The following EYS variants were observed in gnomAD, a reference collection of about 807,000 sequenced individuals.
EYS encodes the protein EGF-like photoreceptor maintenance factor.
EYS carries 250 observed loss-of-function variants against 282.1 expected under a neutral mutation model. The observed-to-expected ratio is 0.89, with a 90% confidence interval of 0.80 to 0.98. The LOEUF (loss-of-function observed/expected upper bound fraction) is 0.98. Among genes scored for constraint, EYS ranks in the 50% least tolerant of loss-of-function variants. The probability of loss-of-function intolerance (pLI) is 0.00; values close to 1 mark genes in which losing one functional copy is unlikely to be tolerated. For synonymous variants in EYS, 1,355 were observed against 1,282.9 expected (o/e 1.06, Z -1.20); for missense variants, 4,016 against 3,709.0 (o/e 1.08, Z -2.15).
At chr6:63,794,109 C>T (rs147239806) in intron 37 of EYS, among the ~76,000 whole-genome samples, 493 of 152,316 alleles carry the variant, frequency 3.2e-3, no homozygotes, top group Non-Finnish European at 5.2e-3. Context: ...AAATGCTTCT[C>T]TCTGGGAAAT....
At chr6:64,679,365 C>G (rs1047892175) in intron 22 of EYS, among the ~76,000 whole-genome samples, 1 of 152,160 alleles carries the variant, frequency 6.6e-6, no homozygotes, top group African/African-American at 2.4e-5. Flanking sequence ...ACTCCATAAT[C>G]TTCCTTGTGC....
intron 35 of EYS, among the ~76,000 whole-genome samples, chr6:63,934,806 G>A (rs1765007930): frequency 6.6e-6 from 1 of 150,416 alleles, no homozygotes; most frequent in Admixed American, 6.6e-5. Flanking sequence ...GTTAAATGAG[G>A]AGTTAATGGG....
Position 63,721,071 on chromosome 6 carries a change from C to G in EYS, c.8960G>C (p.Ser2987Thr). 1 of 1,551,266 alleles carries G rather than the reference C, an allele frequency of 6.4e-7. No individual in the cohort carries two copies. The highest frequency in any genetic ancestry group is 8.7e-7 in the Non-Finnish European group (1 of 1,146,784). The change falls in exon 43 of 43, where the codon AGT becomes ACT. Residue 2987 changes from serine (S) to threonine (T), a missense_variant. Transcript: ENST00000503581. Reference sequence around the variant, plus strand: ...AATTAGACCTTCTGTTTTAGTGGTACTGAAATTTAAGGATATAGTAGTGAA... The same window carrying G: ...AATTAGACCTTCTGTTTTAGTGGTAGTGAAATTTAAGGATATAGTAGTGAA... ...LQFTTISLNF[S>T]TTKTEGLIVW... is the part of the protein sequence containing the mutation.
intron 12 of EYS, among the ~76,000 whole-genome samples, chr6:65,189,073 T>G (rs17578607): frequency 0.042 from 6,353 of 151,744 alleles, 189 homozygotes; most frequent in Middle Eastern, 0.065. Context: ...TTAATTTTTT[T>G]TATAATGCAT....
intron 12 of EYS, among the ~76,000 whole-genome samples, chr6:65,238,066 A>C (rs1766970278): frequency 6.6e-6 from 1 of 151,948 alleles, no homozygotes; most frequent in African/African-American, 2.4e-5. Context: ...ATATAGATGG[A>C]AACATTTTTC....
At chr6:65,028,884 T>C (rs2150142653) in intron 13 of EYS, among the ~76,000 whole-genome samples, 1 of 152,274 alleles carries the variant, frequency 6.6e-6, no homozygotes, top group East Asian at 1.9e-4. Flanking sequence ...TATATGTTGA[T>C]TTTCTGCTAT....
At chr6:63,967,393 G>T (rs1766359614) in intron 35 of EYS, among the ~76,000 whole-genome samples, 1 of 152,204 alleles carries the variant, frequency 6.6e-6, no homozygotes, top group South Asian at 2.1e-4. Flanking sequence ...CTGTGTAGAA[G>T]TAGCCTGTGT....
chr6:65,123,611 T>C (rs1364853598), intron 12 of EYS, among the ~76,000 whole-genome samples: 1 of 152,104 alleles, frequency 6.6e-6, no homozygotes, highest in Admixed American at 6.6e-5. Flanking sequence ...GAGCAGAAGG[T>C]TGACAAACCA....
intron 31 of EYS, among the ~76,000 whole-genome samples, chr6:64,121,807 G>A (rs1349521864): frequency 1.3e-5 from 2 of 151,990 alleles, no homozygotes; most frequent in Non-Finnish European, 2.9e-5. Flanking sequence ...CCATCTTTAT[G>A]CCTTTTTCTA....
chr6:65,068,463 A>AT lies in EYS; in HGVS notation c.2024-10737dup, dbSNP rs1212403642. ...ACTTTGACCTTCAGGCCTTTGTACTATTTTTTCTTCTATTCCATGAGGCCA... is the reference window on the plus strand; with the variant it reads ...ACTTTGACCTTCAGGCCTTTGTACTATTTTTTTCTTCTATTCCATGAGGCCA... On this transcript the variant is annotated intron_variant, in intron 12 of 42. Coordinates refer to ENST00000503581, the MANE Select transcript of EYS (RefSeq NM_001142800.2). Among the ~76,000 whole-genome samples, 43 of 151,640 alleles carry AT rather than the reference A, an allele frequency of 2.8e-4. 1 individual carries two copies. Among genetic ancestry groups the AT allele is most frequent in the African/African-American group, 2.4e-5 (1 of 41,250 alleles).
chr6:64,158,940 G>A (rs1775016336), intron 31 of EYS, among the ~76,000 whole-genome samples: 1 of 152,166 alleles, frequency 6.6e-6, no homozygotes, highest in Non-Finnish European at 1.5e-5. Flanking sequence ...CAAGAATAGT[G>A]TTGGGTGTTG....
chr6:65,235,969 A>G (rs1562041229), intron 12 of EYS, among the ~76,000 whole-genome samples: 1 of 152,044 alleles, frequency 6.6e-6, no homozygotes, highest in Non-Finnish European at 1.5e-5. Context: ...AGGCTTACAT[A>G]TGTGATTCTG....
intron 28 of EYS, among the ~76,000 whole-genome samples, chr6:64,405,812 A>C (rs1773688489): frequency 6.6e-6 from 1 of 152,224 alleles, no homozygotes. Flanking sequence ...CCAATGCTGA[A>C]GGAAACAAGA....
intron 30 of EYS, among the ~76,000 whole-genome samples, chr6:64,278,524 GA>G (rs1354215418): frequency 6.6e-6 from 1 of 151,926 alleles, no homozygotes; most frequent in Non-Finnish European, 1.5e-5. Context: ...CCAATCCAAG[GA>G]AAAAATTAAA....
chr6:64,622,737 A>G (rs1767485435), intron 23 of EYS, among the ~76,000 whole-genome samples: 2 of 152,178 alleles, frequency 1.3e-5, no homozygotes, highest in Non-Finnish European at 2.9e-5. Flanking sequence ...TATAGTGTTT[A>G]GCCAATTTAA....
chr6:65,011,708 C>A (rs994883036), intron 13 of EYS, among the ~76,000 whole-genome samples: 10 of 152,286 alleles, frequency 6.6e-5, no homozygotes, highest in African/African-American at 2.4e-4. Context: ...GGGAAGGTGA[C>A]CGCTTCCACC....
chr6:65,192,503 C>A (rs915206596), intron 12 of EYS, among the ~76,000 whole-genome samples: 1 of 151,672 alleles, frequency 6.6e-6, no homozygotes, highest in Admixed American at 6.6e-5. Context: ...TCATACTGTA[C>A]TAAACATATC....
chr6:64,283,678 T>A (rs892783903), intron 30 of EYS, among the ~76,000 whole-genome samples: 1 of 152,148 alleles, frequency 6.6e-6, no homozygotes, highest in Non-Finnish European at 1.5e-5. Flanking sequence ...TCCGTTTTCA[T>A]GCTGCTGATA....
chr6:64,867,538 A>C (rs887579050), intron 19 of EYS, among the ~76,000 whole-genome samples: 1 of 151,716 alleles, frequency 6.6e-6, no homozygotes, highest in South Asian at 2.1e-4. Flanking sequence ...TGTCCTCAAA[A>C]ACCATTATCA....
Sources: gnomAD v4.1 joint callset for allele counts (sites outside exome capture counted in the v4.1 genomes callset) on GRCh38, gnomAD v4.1.1 for gene constraint, MANE v1.5 for transcripts, NCBI Gene and HGNC (gene_info 2026-07-23, HGNC 2026-07-21) for gene names.